SYNE2: variants seen among roughly 807,000 people sequenced by gnomAD.
The protein encoded by SYNE2 is nesprin-2.
SYNE2 carries 431 observed loss-of-function variants against 856.3 expected under a neutral mutation model. The ratio of observed to expected loss-of-function variants is 0.50; its 90% confidence interval spans 0.47 to 0.55. The LOEUF (loss-of-function observed/expected upper bound fraction) is 0.55. Among genes scored for constraint, SYNE2 ranks in the 20% least tolerant of loss-of-function variants. The pLI is 0.00. For missense variants in SYNE2, 8,129 were observed against 8,023.2 expected, an observed-to-expected ratio of 1.01 and a Z score of -0.50; for synonymous variants, 2,923 against 2,872.3, an observed-to-expected ratio of 1.02 and a Z score of -0.56.
At chr14:63,777,233 T>C (rs1264616839) in intron 1 of SYNE2, among the ~76,000 whole-genome samples, 2 of 152,250 alleles carry the variant, frequency 1.3e-5, no homozygotes, top group Non-Finnish European at 2.9e-5. Flanking sequence ...ACAGAATACT[T>C]TGTTAAAACA....
At chr14:63,802,846 C>T (rs1038680979) in intron 1 of SYNE2, among the ~76,000 whole-genome samples, 1 of 151,594 alleles carries the variant, frequency 6.6e-6, no homozygotes. Flanking sequence ...TGGAGTTGTT[C>T]GTTCCTCCTG....
chr14:64,028,740 A>G (rs1484808533), intron 43 of SYNE2, among the ~76,000 whole-genome samples: 1 of 152,154 alleles, frequency 6.6e-6, no homozygotes, highest in Non-Finnish European at 1.5e-5. Context: ...AATATTATCC[A>G]TCCATCCATC....
chr14:64,223,832 T>C (rs1052287202), intron 113 of SYNE2, among the ~76,000 whole-genome samples: 6 of 152,154 alleles, frequency 3.9e-5, no homozygotes, highest in African/African-American at 1.4e-4. Flanking sequence ...TGTTTTCTCC[T>C]AAGCAGCCAA....
At chr14:64,102,991 T>C (rs1255784978) in intron 64 of SYNE2, among the ~76,000 whole-genome samples, 1 of 152,206 alleles carries the variant, frequency 6.6e-6, no homozygotes, top group East Asian at 1.9e-4. Flanking sequence ...CTCCTTCTTT[T>C]TGAAGGCTGG....
At chr14:63,962,002 A>G (rs913134583) in intron 9 of SYNE2, among the ~76,000 whole-genome samples, 8 of 151,668 alleles carry the variant, frequency 5.3e-5, no homozygotes, top group Admixed American at 5.2e-4. Context: ...AAATCTAAAG[A>G]TATCAAATTT....
In SYNE2 at chr14:63,997,364, A is replaced by G. The variant is rs775702714; in HGVS notation, c.3216A>G (p.Lys1072=). Residue 1072 remains lysine, a synonymous_variant, in exon 25 of 116, where the codon AAA becomes AAG. Transcript: ENST00000555002. ...GDPHSEAPFA[K]SDNQPSTEKA... ...CCCACAGTGAGGCACCATTTGCAAAATCAGATAATCAGCCATCAACTGAAA... is the reference window on the plus strand; with the variant it reads ...CCCACAGTGAGGCACCATTTGCAAAGTCAGATAATCAGCCATCAACTGAAA... 6.2e-7 allele frequency: 1 copy of G among 1,613,392 alleles called. No individual in the cohort carries two copies. The highest frequency in any genetic ancestry group is 8.5e-7 in the Non-Finnish European group (1 of 1,179,774).
chr14:64,055,873 A>T (rs2097265034), intron 48 of SYNE2, 71 bp from the exon 49 acceptor site: 1 of 1,216,708 alleles, frequency 8.2e-7, no homozygotes, highest in Non-Finnish European at 1.2e-6. Context: ...ATGTACCACG[A>T]AAACTTAAGA....
intron 96 of SYNE2, among the ~76,000 whole-genome samples, chr14:64,180,495 T>C (rs1206236961): frequency 2.0e-5 from 3 of 151,938 alleles, no homozygotes; most frequent in African/African-American, 7.3e-5. Flanking sequence ...TTTTCACTAA[T>C]GGTTTATAAC....
intron 1 of SYNE2, among the ~76,000 whole-genome samples, chr14:63,814,881 T>TATATATATCC (rs766640565): frequency 0.44 from 32,273 of 72,724 alleles, 9,175 homozygotes; most frequent in South Asian, 0.63. Context: ...TATATATCCA[T>TATATATATCC]ATATATATCC....
intron 49 of SYNE2, among the ~76,000 whole-genome samples, chr14:64,057,201 T>A (rs887781373): frequency 5.9e-5 from 9 of 152,144 alleles, no homozygotes; most frequent in African/African-American, 2.2e-4. Flanking sequence ...TCTGTGGTGC[T>A]ATCAATACTA....
chr14:64,070,654 G>A lies in SYNE2; in HGVS notation c.10441G>A (p.Glu3481Lys). The change falls in exon 52 of 116, where the codon GAG (glutamate) becomes AAG (lysine). Residue 3481 changes from glutamate (E) to lysine (K), a missense_variant. Coordinates refer to ENST00000555002, the MANE Select transcript of SYNE2 (RefSeq NM_182914.3). ...TTGTTTTTTGAATTAGATTGAACGA[G>A]AGGCAATTATTTTAGATAATCTTCA... The part of the protein sequence containing the change: ...WKFVSEEIER[E>K]AIILDNLQEE... The A allele has an allele frequency of 2.5e-6, 4 of 1,613,262 alleles. No individual in the cohort carries two copies. The highest frequency in any genetic ancestry group is 3.4e-6 in the Non-Finnish European group (4 of 1,179,584).
At chr14:63,826,550 T>C (rs1361414069) in intron 1 of SYNE2, among the ~76,000 whole-genome samples, 1 of 152,152 alleles carries the variant, frequency 6.6e-6, no homozygotes, top group Admixed American at 6.5e-5. Flanking sequence ...TCTGCCTGCC[T>C]TGGCCTCCCT....
rs1268873104 is a variant in SYNE2 at position 63,818,541 on chromosome 14, C to CATTA, written c.-304-33960_-304-33959insATTA. ...CGAAATATATAAATAAATAAGTAAA[C>CATTA]GTATGTCAGTGAATTAGAAATAAAA... is the stretch of plus-strand genomic sequence containing the variant. On this transcript the variant is annotated intron_variant, in intron 1 of 23. Transcript: ENST00000674003. Among the ~76,000 whole-genome samples, 5 of 151,530 alleles carry CATTA rather than the reference C, an allele frequency of 3.3e-5. No individual in the cohort carries two copies. The East Asian group carries it at 9.7e-4, about 29-fold the overall frequency.
chr14:63,803,637 C>T (rs548374148), intron 1 of SYNE2, among the ~76,000 whole-genome samples: 2 of 152,322 alleles, frequency 1.3e-5, no homozygotes, highest in African/African-American at 4.8e-5. Flanking sequence ...TTCCTGCTCG[C>T]GCCTCTCCCT....
At chr14:63,784,604 C>T (rs985867169) in intron 1 of SYNE2, among the ~76,000 whole-genome samples, 4 of 152,072 alleles carry the variant, frequency 2.6e-5, no homozygotes, top group Admixed American at 2.0e-4. Context: ...CAGTGATCTT[C>T]CCACCTGGGC....
At chr14:63,902,020 C>G (rs1399670759) in intron 1 of SYNE2, among the ~76,000 whole-genome samples, 1 of 152,040 alleles carries the variant, frequency 6.6e-6, no homozygotes, top group Non-Finnish European at 1.5e-5. Context: ...AAAAACAATC[C>G]CACATTATTC....
At chr14:63,847,860 A>G (rs889310407) in intron 1 of SYNE2, among the ~76,000 whole-genome samples, 1 of 151,462 alleles carries the variant, frequency 6.6e-6, no homozygotes, top group African/African-American at 2.4e-5. Context: ...TGCTGGGATT[A>G]CAGGCATGAG....
intron 67 of SYNE2, among the ~76,000 whole-genome samples, chr14:64,120,075 A>T (rs574499622): frequency 1.3e-5 from 2 of 152,342 alleles, no homozygotes; most frequent in South Asian, 4.1e-4. Context: ...AAGTGTTCTC[A>T]TGATTTTTAA....
chr14:64,068,052 T>G (rs146859134), intron 51 of SYNE2, among the ~76,000 whole-genome samples: 1 of 152,176 alleles, frequency 6.6e-6, no homozygotes, highest in Admixed American at 6.5e-5. Context: ...CCAATTTGAT[T>G]AGGATCCCAT....
Sources: gnomAD v4.1 joint callset for allele counts (sites outside exome capture counted in the v4.1 genomes callset) on GRCh38, gnomAD v4.1.1 for gene constraint, MANE v1.5 for transcripts, NCBI Gene and HGNC (gene_info 2026-07-23, HGNC 2026-07-21) for gene names.